NDC1: variants seen among roughly 807,000 people sequenced by gnomAD.
The protein encoded by NDC1 is NDC1 transmembrane nucleoporin, also known as nucleoporin NDC1.
NDC1 carries 24 observed loss-of-function variants against 89.8 expected under a neutral mutation model. That is an observed-to-expected ratio of 0.27 (90% CI 0.19 to 0.38). The LOEUF is 0.38. Among genes scored for constraint, NDC1 ranks in the 10% least tolerant of loss-of-function variants. The pLI, the probability that NDC1 is intolerant of heterozygous loss-of-function variation, is 1.00. For synonymous variants in NDC1, 296 were observed against 284.8 expected (o/e 1.04, Z -0.39); for missense variants, 728 against 797.6 (o/e 0.91, Z 1.05).
At position 53,793,259 on chromosome 1, in the gene NDC1, T is replaced by C. The variant is rs370307512; in HGVS notation, c.1605A>G (p.Lys535=). The C allele has an allele frequency of 7.4e-6, 12 of 1,611,650 alleles. No individual in the cohort carries two copies. In the African/African-American group the frequency reaches 1.6e-4, roughly 22 times the overall value. The change falls in exon 14 of 18, where the codon AAA becomes AAG. Residue 535 remains lysine (K), a synonymous_variant. Coordinates refer to ENST00000371429, the MANE Select transcript of NDC1 (RefSeq NM_018087.5). ...KREQIKNFLS[K]RVLIMYFFSK... ...TGAAAAAATACATTATCAGCACCCGTTTTGACAAGAAATTCTTAATCTGAG... is the reference window on the plus strand; with the variant it reads ...TGAAAAAATACATTATCAGCACCCGCTTTGACAAGAAATTCTTAATCTGAG...
chr1:53,779,504 C>G (rs956032748), intron 16 of NDC1, among the ~76,000 whole-genome samples: 7 of 152,072 alleles, frequency 4.6e-5, no homozygotes, highest in Non-Finnish European at 7.4e-5. Context: ...CAGTCTGATT[C>G]CAGATCTCAC....
intron 8 of NDC1, among the ~76,000 whole-genome samples, chr1:53,806,900 C>T (rs756110942): frequency 1.5e-4 from 23 of 152,058 alleles, no homozygotes; most frequent in Non-Finnish European, 2.9e-4. Flanking sequence ...AGAAGCTCAC[C>T]TCAATTTCCA....
At chr1:53,778,540 C>G (rs967594282) in intron 16 of NDC1, among the ~76,000 whole-genome samples, 4 of 151,614 alleles carry the variant, frequency 2.6e-5, no homozygotes, top group Non-Finnish European at 4.4e-5. Flanking sequence ...ATCGCTTGAG[C>G]CTGGGAGTTG....
intron 11 of NDC1, among the ~76,000 whole-genome samples, chr1:53,797,375 T>C (rs1036821948): frequency 1.1e-4 from 17 of 151,982 alleles, no homozygotes; most frequent in Non-Finnish European, 2.2e-4. Context: ...GTCTCTCTTT[T>C]TCCCCCCCCA....
chr1:53,793,054 T>C (rs1053468597), intron 14 of NDC1, among the ~76,000 whole-genome samples, 175 bp downstream of exon 14: 1 of 152,196 alleles, frequency 6.6e-6, no homozygotes, highest in African/African-American at 2.4e-5. Flanking sequence ...TGAAGTGAGA[T>C]GTGTGTCTAG....
At chr1:53,822,503 G>A (rs1274233503) in intron 5 of NDC1, among the ~76,000 whole-genome samples, 1 of 151,722 alleles carries the variant, frequency 6.6e-6, no homozygotes, top group Non-Finnish European at 1.5e-5. Flanking sequence ...TAAACTGGTA[G>A]CAGTTTAACT....
chr1:53,776,078 C>T (rs1165224463), intron 16 of NDC1, among the ~76,000 whole-genome samples: 1 of 151,938 alleles, frequency 6.6e-6, no homozygotes, highest in Non-Finnish European at 1.5e-5. Flanking sequence ...CCTCAGCCTC[C>T]CTCGTAGCTA....
intron 1 of NDC1, among the ~76,000 whole-genome samples, chr1:53,837,466 G>A (rs79600827): frequency 3.3e-5 from 5 of 152,066 alleles, no homozygotes; most frequent in African/African-American, 4.8e-5. Context: ...CCCGCTCCTC[G>A]GGAAGCTGAG....
chr1:53,790,621 C>T (rs569866699), intron 14 of NDC1, among the ~76,000 whole-genome samples: 6 of 151,760 alleles, frequency 4.0e-5, no homozygotes, highest in East Asian at 3.9e-4. Flanking sequence ...GTGGGAGAAT[C>T]GCTTGAACCC....
At chr1:53,808,111 C>T (rs989988207) in intron 7 of NDC1, among the ~76,000 whole-genome samples, 1 of 152,198 alleles carries the variant, frequency 6.6e-6, no homozygotes, top group African/African-American at 2.4e-5. Flanking sequence ...ATTATTGTTG[C>T]TTTGTAGTCT....
Position 53,806,505 on chromosome 1 carries a change from GA to G in NDC1, c.903del (p.Pro302LeufsTer18). On this transcript the variant is annotated frameshift_variant, in exon 9 of 18. Coordinates refer to ENST00000371429, the MANE Select transcript of NDC1 (RefSeq NM_018087.5). LOFTEE classifies it high-confidence loss of function. Reference protein sequence around the residue: ...FKIYATEAHVFPVQPPFAEGS... With the variant: ...FKIYATEAHVXPVQPPFAEGS... ...CCTTCTGCAAATGGTGGTTGAACAG[GA>G]AACACATGAGCCTATCAAATAAATT... 1 of 1,510,336 alleles carries G rather than the reference GA, an allele frequency of 6.6e-7. No homozygotes were observed. The highest frequency in any genetic ancestry group is 1.4e-5 in the South Asian group (1 of 72,032). The allele number at this position is 1,510,336 out of a possible 1,614,324, so 93.6% of individuals were successfully genotyped here.
At chr1:53,805,579 C>T (rs1030245601) in intron 9 of NDC1, among the ~76,000 whole-genome samples, 5 of 152,116 alleles carry the variant, frequency 3.3e-5, no homozygotes, top group Admixed American at 6.5e-5. Flanking sequence ...TCAATCTAAA[C>T]CATTTATGCT....
chr1:53,811,206 A>G (rs969399373), intron 6 of NDC1, among the ~76,000 whole-genome samples: 1 of 152,144 alleles, frequency 6.6e-6, no homozygotes, highest in African/African-American at 2.4e-5. Flanking sequence ...AGGGAGTAAA[A>G]CTCCACAGGG....
intron 6 of NDC1, among the ~76,000 whole-genome samples, chr1:53,816,919 T>C (rs1045043387): frequency 6.6e-6 from 1 of 152,096 alleles, no homozygotes; most frequent in African/African-American, 2.4e-5. Flanking sequence ...ATCAGGGAAA[T>C]GCAAATTAAA....
intron 15 of NDC1, among the ~76,000 whole-genome samples, chr1:53,787,674 T>C (rs1173791415): frequency 6.7e-6 from 1 of 148,354 alleles, no homozygotes; most frequent in Non-Finnish European, 1.5e-5. Context: ...GATAAATAAA[T>C]AAATAAATAA....
At chr1:53,816,609 TTAAAC>T (rs757386868) in intron 6 of NDC1, among the ~76,000 whole-genome samples, 6 of 149,790 alleles carry the variant, frequency 4.0e-5, no homozygotes, top group Non-Finnish European at 8.9e-5. Flanking sequence ...TGGGACCTAA[TTAAAC>T]TAAAGAGCTT....
At chr1:53,803,115 G>C (rs1480597249) in intron 10 of NDC1, among the ~76,000 whole-genome samples, 1 of 152,132 alleles carries the variant, frequency 6.6e-6, no homozygotes, top group East Asian at 1.9e-4. Context: ...ACCCAGGCTA[G>C]AGTACAGTGG....
At chr1:53,780,474 G>A (rs548607011) in intron 16 of NDC1, among the ~76,000 whole-genome samples, 1 of 152,308 alleles carries the variant, frequency 6.6e-6, no homozygotes, top group East Asian at 1.9e-4. Flanking sequence ...CCGGAGGGCA[G>A]GAACCCTGTC....
chr1:53,787,064 G>C (rs1328821252), intron 16 of NDC1, 94 bp downstream of exon 16: 1 of 599,608 alleles, frequency 1.7e-6, no homozygotes, highest in Non-Finnish European at 2.9e-6. Flanking sequence ...AACATGTTTT[G>C]TCACTCGATA....
Sources: allele counts gnomAD v4.1 joint callset (sites outside exome capture counted in the v4.1 genomes callset), GRCh38; gene constraint gnomAD v4.1.1; transcripts MANE v1.5; gene names NCBI Gene and HGNC (gene_info 2026-07-23, HGNC 2026-07-21).